Variants in GPCPD1 observed in about 807,000 individuals in gnomAD.
The protein encoded by GPCPD1 is glycerophosphocholine phosphodiesterase GPCPD1.
GPCPD1 carries 29 observed loss-of-function variants against 89.2 expected under a neutral mutation model. That is an observed-to-expected ratio of 0.33 (90% CI 0.24 to 0.44). GPCPD1 has a LOEUF of 0.44. Ranked by LOEUF, GPCPD1 falls within the 20% of genes least tolerant of loss-of-function variation. The pLI, the probability that GPCPD1 is intolerant of heterozygous loss-of-function variation, is 1.00. For missense variants in GPCPD1, 594 were observed against 808.9 expected, an observed-to-expected ratio of 0.73 and a Z score of 3.22; for synonymous variants, 258 against 266.3, an observed-to-expected ratio of 0.97 and a Z score of 0.30.
rs776327265 is a variant in GPCPD1, at chr20:5,558,816, A to G, written c.1536T>C (p.Val512=). ...TCGGATATTTGTTCTGCTTTTGCCG[A>G]ACCCTGAAAAGAAACAATTTTAAAA... is the stretch of plus-strand genomic sequence containing the variant. ...SSFDADICTM[V]RQKQNKYPIL... is the part of the protein sequence containing the mutation. The change falls in exon 18 of 20, where the codon GTT becomes GTC. Residue 512 remains valine (V), a synonymous_variant. Coordinates refer to ENST00000379019, the MANE Select transcript of GPCPD1 (RefSeq NM_019593.5). The G allele has an allele frequency of 1.3e-6, 2 of 1,558,586 alleles. No individual in the cohort carries two copies. The highest frequency in any genetic ancestry group is 2.8e-5 in the African/African-American group (2 of 71,794).
chr20:5,582,836 C>G (rs914780963), intron 6 of GPCPD1, among the ~76,000 whole-genome samples: 1 of 150,734 alleles, frequency 6.6e-6, no homozygotes, highest in Non-Finnish European at 1.5e-5. Flanking sequence ...CTGCAGCAAG[C>G]GGAGATTGCG....
At position 5,575,407 on chromosome 20, in the gene GPCPD1, A is replaced by T. The variant is rs1978286609; in HGVS notation, c.1001+6T>A. On this transcript the variant is annotated splice_donor_region_variant and intron_variant, in intron 10 of 19. Transcript: ENST00000379019. ...AATGCTAATCCTACTCAAATATTCA[A>T]CTTACTGGGCAGTTGTTGTAGAGTT... 1.9e-6 allele frequency: 3 copies of T among 1,599,598 alleles called. No homozygotes were observed. In the South Asian group the frequency reaches 3.4e-5, roughly 18 times the overall value.
intron 1 of GPCPD1, among the ~76,000 whole-genome samples, chr20:5,610,005 G>A (rs1375291012): frequency 6.6e-6 from 1 of 152,134 alleles, no homozygotes; most frequent in Non-Finnish European, 1.5e-5. Context: ...AAAAAACATC[G>A]GGTCCAAACA....
At chr20:5,602,743 G>A (rs991610023) in intron 2 of GPCPD1, among the ~76,000 whole-genome samples, 7 of 152,156 alleles carry the variant, frequency 4.6e-5, no homozygotes, top group Admixed American at 2.0e-4. Context: ...AGCACTTTGC[G>A]GGGCCAAGGT....
At position 5,604,573 on chromosome 20, in the gene GPCPD1, G is replaced by A. The variant is rs969788367; in HGVS notation, c.-28-133C>T. The A allele has an allele frequency of 1.1e-4, 20 of 175,712 alleles. No individual in the cohort carries two copies. In the East Asian group the frequency reaches 2.6e-3, roughly 22 times the overall value. 10.9% of individuals were successfully genotyped at this position (175,712 alleles called of 1,614,324 possible). ...TTTAATGTCTTTGCAGTTTTATGGT[G>A]GGATTGTTTTTGTTTTTGTTTTAAA... On this transcript the variant is annotated intron_variant, in intron 1 of 19. Transcript: ENST00000379019.
At chr20:5,586,292 C>T (rs777268288) in intron 4 of GPCPD1, 23 bp from the exon 5 acceptor site, 1 of 1,371,440 alleles carries the variant, frequency 7.3e-7, no homozygotes, top group Non-Finnish European at 1.0e-6. Flanking sequence ...AGTTAAACGT[C>T]TGCAATAATT....
intron 3 of GPCPD1, among the ~76,000 whole-genome samples, chr20:5,597,412 T>C (rs1285051803): frequency 6.6e-6 from 1 of 152,236 alleles, no homozygotes; most frequent in Non-Finnish European, 1.5e-5. Flanking sequence ...ACATACCCAG[T>C]TCAATGAGAT....
intron 4 of GPCPD1, among the ~76,000 whole-genome samples, chr20:5,586,720 G>A (rs537330054): frequency 6.6e-6 from 1 of 152,118 alleles, no homozygotes; most frequent in East Asian, 1.9e-4. Flanking sequence ...AAAAATAGTA[G>A]GAACAAGTAC....
At chr20:5,561,959 T>C (rs1986109638) in intron 15 of GPCPD1, among the ~76,000 whole-genome samples, 1 of 152,224 alleles carries the variant, frequency 6.6e-6, no homozygotes, top group African/African-American at 2.4e-5. Flanking sequence ...GATGTTTAGA[T>C]TGTTTTGAAG....
chr20:5,598,858 A>T (rs200793500), intron 2 of GPCPD1, 37 bp from the exon 3 acceptor site: 1 of 1,265,626 alleles, frequency 7.9e-7, no homozygotes, highest in East Asian at 2.3e-5. Context: ...GAGAAACAGA[A>T]CAATCAGTCA....
intron 19 of GPCPD1, chr20:5,548,840 A>G (rs1985194612): frequency 1.3e-6 from 1 of 789,910 alleles, no homozygotes; most frequent in South Asian, 2.5e-5. Flanking sequence ...AAGACGGCGG[A>G]CTGTCAAACC....
rs563599403 is a variant in GPCPD1 at position 5,567,674 on chromosome 20, T to C, written c.1150-114A>G. Reference sequence around the variant, plus strand: ...CACTAGACAGGCCTAGCAACTCTATTTACTCAACAATGAGAATAACTGTTA... The same window carrying C: ...CACTAGACAGGCCTAGCAACTCTATCTACTCAACAATGAGAATAACTGTTA... On this transcript the variant is annotated intron_variant, in intron 12 of 19. Transcript: ENST00000379019. The C allele has an allele frequency of 3.4e-4, 325 of 966,928 alleles. 2 individuals carry two copies. The East Asian group carries it at 9.0e-3, about 27-fold the overall frequency. 59.9% of individuals were successfully genotyped at this position (966,928 alleles called of 1,614,324 possible).
At chr20:5,569,487 T>A (rs1986584710) in intron 12 of GPCPD1, among the ~76,000 whole-genome samples, 1 of 149,700 alleles carries the variant, frequency 6.7e-6, no homozygotes, top group East Asian at 2.0e-4. Flanking sequence ...AGTTTTTAAA[T>A]CTCATTCTGG....
At chr20:5,594,212 C>G (rs1979535695) in intron 3 of GPCPD1, among the ~76,000 whole-genome samples, 1 of 152,194 alleles carries the variant, frequency 6.6e-6, no homozygotes, top group Non-Finnish European at 1.5e-5. Context: ...AATGCAAATT[C>G]TCAGGCCCTA....
intron 1 of GPCPD1, 40 bp from the exon 2 acceptor site, chr20:5,604,480 T>C (rs901712116): frequency 7.6e-6 from 7 of 925,028 alleles, no homozygotes; most frequent in African/African-American, 3.4e-5. Flanking sequence ...TATAAAAATA[T>C]ATGCCTTAGC....
intron 3 of GPCPD1, among the ~76,000 whole-genome samples, chr20:5,593,773 A>G (rs1318248687): frequency 2.6e-5 from 4 of 152,232 alleles, no homozygotes; most frequent in Non-Finnish European, 4.4e-5. Context: ...AAGAGCCAGG[A>G]TAAGTTTCCA....
At chr20:5,609,448 A>C (rs931245694) in intron 1 of GPCPD1, among the ~76,000 whole-genome samples, 4 of 152,244 alleles carry the variant, frequency 2.6e-5, no homozygotes, top group African/African-American at 7.2e-5. Context: ...TTCTGGAATA[A>C]GTTTCTTTAC....
At chr20:5,553,159 A>G (rs1021545497) in intron 19 of GPCPD1, among the ~76,000 whole-genome samples, 1 of 152,196 alleles carries the variant, frequency 6.6e-6, no homozygotes, top group Non-Finnish European at 1.5e-5. Context: ...TCCCAACAGC[A>G]TCTGCTCACT....
At chr20:5,570,440 A>AAC (rs1161235149) in intron 11 of GPCPD1, among the ~76,000 whole-genome samples, 8 of 151,564 alleles carry the variant, frequency 5.3e-5, no homozygotes, top group Non-Finnish European at 1.2e-4. Context: ...AAAAAAAAAA[A>AAC]AAAAAAACGG....
Sources: gnomAD v4.1 joint callset for allele counts (sites outside exome capture counted in the v4.1 genomes callset) on GRCh38, gnomAD v4.1.1 for gene constraint, MANE v1.5 for transcripts, NCBI Gene and HGNC (gene_info 2026-07-23, HGNC 2026-07-21) for gene names.